The following TACC1 variants were observed in gnomAD, a reference collection of about 807,000 sequenced individuals.
The protein encoded by TACC1 is transforming acidic coiled-coil containing protein 1.
A neutral mutation model predicts 84.4 loss-of-function variants in TACC1; 48 were observed. The observed-to-expected ratio is 0.57, with a 90% CI of 0.45 to 0.72. The LOEUF (loss-of-function observed/expected upper bound fraction) is 0.72. Among genes scored for constraint, TACC1 ranks in the 30% least tolerant of loss-of-function variants. The pLI is 0.00. For missense variants in TACC1, 920 were observed against 973.0 expected (o/e 0.95, Z 0.72); for synonymous variants, 372 against 376.3 (o/e 0.99, Z 0.13).
At chr8:38,820,914 A>T (rs1295240647) in intron 3 of TACC1, among the ~76,000 whole-genome samples, 2 of 151,804 alleles carry the variant, frequency 1.3e-5, no homozygotes, top group Non-Finnish European at 2.9e-5. Context: ...TTTTATGTTT[A>T]AAAAAAATAG....
chr8:38,818,776 T>A (rs756061433), intron 2 of TACC1, among the ~76,000 whole-genome samples: 5 of 151,870 alleles, frequency 3.3e-5, no homozygotes, highest in Non-Finnish European at 5.9e-5. Flanking sequence ...TGTGGATACA[T>A]GGCTTTTTTT....
Position 38,849,850 on chromosome 8 carries a change from T to A in TACC1, c.*1827T>A, listed in dbSNP as rs1430437665. Reference sequence around the variant, plus strand: ...TCACTGTGGTGTAATATGAATGCTGTCCTAGTGGTCATAGTACCAAGGGCA... The same window carrying A: ...TCACTGTGGTGTAATATGAATGCTGACCTAGTGGTCATAGTACCAAGGGCA... On this transcript the variant is annotated 3_prime_UTR_variant, in exon 13 of 13. Coordinates refer to ENST00000317827, the MANE Select transcript of TACC1 (RefSeq NM_006283.3). 4 of 152,660 alleles carry A rather than the reference T, an allele frequency of 2.6e-5. No individual in the cohort carries two copies. The highest frequency in any genetic ancestry group is 5.9e-5 in the Non-Finnish European group (4 of 68,046). The allele number at this position is 152,660 out of a possible 1,614,324, so 9.5% of individuals were successfully genotyped here. A position where few individuals can be genotyped will look rare whatever the true frequency, so the allele number is the denominator to read the frequency against.
In TACC1 at chr8:38,827,755, C is replaced by T. The variant is rs1362771013; in HGVS notation, c.1660+380C>T. 1.3e-5 allele frequency: 3 copies of T among 226,376 alleles called. No individual in the cohort carries two copies. The South Asian group carries it at 1.7e-4, about 13-fold the overall frequency. The allele number at this position is 226,376 out of a possible 1,614,324, so 14.0% of individuals were successfully genotyped here. A position where few individuals can be genotyped will look rare whatever the true frequency, so the allele number is the denominator to read the frequency against. On this transcript the variant is annotated intron_variant, in intron 5 of 12. Transcript: ENST00000317827. ...AAAGAGGTTTATTTGGTTCATGGTT[C>T]TGCAGACTGTAGAATAAGCATGGCA...
At chr8:38,847,645 T>G (rs150007795) in intron 12 of TACC1, among the ~76,000 whole-genome samples, 2 of 152,338 alleles carry the variant, frequency 1.3e-5, no homozygotes, top group East Asian at 1.9e-4. Flanking sequence ...CAGATACTTA[T>G]GTTTTTGACA....
intron 3 of TACC1, among the ~76,000 whole-genome samples, chr8:38,752,481 T>C (rs570739951): frequency 6.6e-5 from 10 of 151,116 alleles, no homozygotes; most frequent in Non-Finnish European, 1.0e-4. Context: ...AAAACAAAAA[T>C]AAAAACAAAA....
At chr8:38,818,780 T>TTTTTTTTTTTCTTC (rs1290212703) in intron 2 of TACC1, among the ~76,000 whole-genome samples, 3 of 147,676 alleles carry the variant, frequency 2.0e-5, no homozygotes, top group Non-Finnish European at 4.5e-5. Flanking sequence ...GATACATGGC[T>TTTTTTTTTTTCTTC]TTTTTTTTTT....
chr8:38,775,380 A>G (rs1485221516), intron 3 of TACC1, among the ~76,000 whole-genome samples: 1 of 152,200 alleles, frequency 6.6e-6, no homozygotes, highest in Non-Finnish European at 1.5e-5. Context: ...GGAGTCAGTG[A>G]TTATCTTAGT....
rs558298424 is a variant in TACC1, at chr8:38,763,675, T to C, written c.26+18182T>C. Reference sequence around the variant, plus strand: ...GTCCACCAAGTATATTTTTCAAAAATGGGGTTCTGCTATGTCTTCTGTATT... The same window carrying C: ...GTCCACCAAGTATATTTTTCAAAAACGGGGTTCTGCTATGTCTTCTGTATT... On this transcript the variant is annotated intron_variant, in intron 3 of 14. Transcript: ENST00000518415. 5.9e-5 allele frequency among the ~76,000 whole-genome samples: 9 copies of C among 152,360 alleles called. No homozygotes were observed. The South Asian group carries it at 1.7e-3, about 28-fold the overall frequency.
intron 3 of TACC1, among the ~76,000 whole-genome samples, chr8:38,769,082 CTG>C (rs978473495): frequency 1.7e-5 from 2 of 120,090 alleles, no homozygotes; most frequent in Admixed American, 8.4e-5. Context: ...GTTTGTGTGA[CTG>C]TGTGGTGTGT....
rs1461396489 is a variant in TACC1, at chr8:38,831,178, G to T, written c.1713+1G>T. 6.2e-7 allele frequency: 1 copy of T among 1,614,188 alleles called. No individual in the cohort carries two copies. Among genetic ancestry groups the T allele is most frequent in the Non-Finnish European group, 8.5e-7 (1 of 1,180,002 alleles). On this transcript the variant is annotated splice_donor_variant, in intron 6 of 12. Transcript: ENST00000317827. LOFTEE classifies it high-confidence loss of function. ...GGAAGAAGACGGGTCCACTGTGCTT[G>T]TAAGTTCCTGAATGTGGAGGGCCGG...
chr8:38,810,270 T>TA (rs1823767076), intron 2 of TACC1, among the ~76,000 whole-genome samples: 1 of 152,162 alleles, frequency 6.6e-6, no homozygotes, highest in African/African-American at 2.4e-5. Context: ...GGTTTTATCT[T>TA]ACATTAGATT....
At chr8:38,825,189 T>C (rs904769551) in intron 3 of TACC1, 119 bp from the exon 4 acceptor site, 8 of 1,017,196 alleles carry the variant, frequency 7.9e-6, no homozygotes, top group African/African-American at 1.6e-5. Context: ...GATGTATGAT[T>C]TGTGTGGTGC....
intron 12 of TACC1, among the ~76,000 whole-genome samples, chr8:38,847,150 C>G (rs923209281): frequency 6.6e-6 from 1 of 152,184 alleles, no homozygotes; most frequent in African/African-American, 2.4e-5. Context: ...AAGCCATCTT[C>G]CCCCTTCATT....
At chr8:38,741,776 G>A (rs1218822238) in intron 1 of TACC1, among the ~76,000 whole-genome samples, 1 of 152,090 alleles carries the variant, frequency 6.6e-6, no homozygotes, top group Non-Finnish European at 1.5e-5. Flanking sequence ...AAAATACAAA[G>A]AGTCAATATT....
chr8:38,830,874 C>T (rs992139220), intron 5 of TACC1, among the ~76,000 whole-genome samples: 1 of 152,190 alleles, frequency 6.6e-6, no homozygotes, highest in Non-Finnish European at 1.5e-5. Flanking sequence ...AAGGGGGCAG[C>T]CTTGCTGTTC....
intron 7 of TACC1, among the ~76,000 whole-genome samples, chr8:38,837,511 G>A (rs1050902836): frequency 5.9e-5 from 9 of 152,110 alleles, no homozygotes; most frequent in Admixed American, 2.0e-4. Context: ...TTGCAGCCTC[G>A]AACTCCTAGG....
At chr8:38,782,868 C>T (rs1326102194), upstream of TACC1, among the ~76,000 whole-genome samples, 1 of 152,086 alleles carries the variant, frequency 6.6e-6, no homozygotes, top group Admixed American at 6.6e-5. Flanking sequence ...TATTTTTCTT[C>T]ACTTAGAATA....
intron 3 of TACC1, among the ~76,000 whole-genome samples, chr8:38,760,622 C>A (rs1204457948): frequency 6.6e-6 from 1 of 152,032 alleles, no homozygotes; most frequent in Non-Finnish European, 1.5e-5. Context: ...CCTTCAGGTT[C>A]AAGTGAGTCT....
intron 3 of TACC1, chr8:38,824,522 T>C (rs1052066106): frequency 1.3e-5 from 2 of 152,422 alleles, no homozygotes; most frequent in African/African-American, 2.4e-5. Flanking sequence ...CGGTAACTTA[T>C]GTGCTTGTCT....
Sources: allele counts gnomAD v4.1 joint callset (sites outside exome capture counted in the v4.1 genomes callset), GRCh38; gene constraint gnomAD v4.1.1; transcripts MANE v1.5; gene names NCBI Gene and HGNC (gene_info 2026-07-23, HGNC 2026-07-21).